The following LUM variants were observed in gnomAD, a reference collection of about 807,000 sequenced individuals.
LUM encodes lumican.
Under a neutral mutation model 20.5 loss-of-function variants are expected in LUM, and 13 were observed. That is an observed-to-expected ratio of 0.63 (90% CI 0.41 to 1.01). The LOEUF is 1.01. Among genes scored for constraint, LUM ranks in the 50% least tolerant of loss-of-function variants. The pLI, the probability that LUM is intolerant of heterozygous loss-of-function variation, is 0.00. For missense variants in LUM, 321 were observed against 391.1 expected, an observed-to-expected ratio of 0.82 and a Z score of 1.51; for synonymous variants, 173 against 151.5, an observed-to-expected ratio of 1.14 and a Z score of -1.04.
chr12:91,107,579 T>A (rs1470207311), intron 2 of LUM, among the ~76,000 whole-genome samples: 1 of 152,180 alleles, frequency 6.6e-6, no homozygotes, highest in Admixed American at 6.5e-5. Context: ...TGGCCCGGAA[T>A]TTTTAGTTTG....
intron 2 of LUM, among the ~76,000 whole-genome samples, chr12:91,105,369 C>CATA (rs1452241930): frequency 6.6e-6 from 1 of 152,052 alleles, no homozygotes; most frequent in African/African-American, 2.4e-5. Context: ...AATACTAGTA[C>CATA]ATAGTATGTC....
rs779388844 is a variant in LUM at position 91,104,298 on chromosome 12, C to T, written c.884G>A (p.Cys295Tyr). The T allele has an allele frequency of 6.2e-7, 1 of 1,611,890 alleles. No homozygotes were observed. Among genetic ancestry groups the T allele is most frequent in the Non-Finnish European group, 8.5e-7 (1 of 1,178,920 alleles). ...GTAGGATAATGGCCCCAGGATCTTG[C>T]AGAAGCTCTTTATGTCAAACTCTAA... ...QLEKFDIKSF[C>Y]KILGPLSYSK... is the part of the protein sequence containing the mutation. The change falls in exon 3 of 3, where the codon TGC becomes TAC. Residue 295 changes from cysteine to tyrosine, a missense_variant. Coordinates refer to ENST00000266718, the MANE Select transcript of LUM (RefSeq NM_002345.4).
At chr12:91,107,631 T>C (rs1047167228) in intron 2 of LUM, among the ~76,000 whole-genome samples, 43 of 152,186 alleles carry the variant, frequency 2.8e-4, no homozygotes, top group African/African-American at 9.4e-4. Flanking sequence ...TTGTTCCTTA[T>C]CTGGATACAC....
rs869096187 is a variant in LUM at position 91,107,287 on chromosome 12, G to GAGAA, written c.862+827_862+830dup. Among the ~76,000 whole-genome samples the GAGAA allele has an allele frequency of 3.4e-3, 207 of 61,306 alleles. 2 individuals carry two copies. The highest frequency in any genetic ancestry group is 0.011 in the African/African-American group (147 of 13,362). The allele number at this position is 61,306 out of a possible 152,430, so 40.2% of individuals were successfully genotyped here. ...AGAAAGAAAGAAAGAAAGAAAGAAA[G>GAGAA]AGAAAGAAAGAAAGAAAGAAAGAAA... On this transcript the variant is annotated intron_variant, in intron 2 of 2. Transcript: ENST00000266718.
intron 1 of LUM, among the ~76,000 whole-genome samples, chr12:91,111,191 A>G (rs1880196346): frequency 1.3e-5 from 2 of 152,208 alleles, no homozygotes; most frequent in Admixed American, 1.3e-4. Flanking sequence ...TCTCTTGCCA[A>G]GCAATACAGC....
At chr12:91,104,785 C>T (rs1215565384) in intron 2 of LUM, among the ~76,000 whole-genome samples, 1 of 152,070 alleles carries the variant, frequency 6.6e-6, no homozygotes, top group African/African-American at 2.4e-5. Context: ...ATACCATGAC[C>T]ATGATAAAAA....
chr12:91,109,065 T>C, intron 1 of LUM, 65 bp from the exon 2 acceptor site: 1 of 1,137,416 alleles, frequency 8.8e-7, no homozygotes, highest in Non-Finnish European at 1.3e-6. Flanking sequence ...GACATTCAAT[T>C]TGCAACATTA....
Position 91,107,234 on chromosome 12 carries a change from GAA to G in LUM, c.862+882_862+883del, listed in dbSNP as rs1420771236. Among the ~76,000 whole-genome samples the G allele has an allele frequency of 3.7e-3, 173 of 47,374 alleles. 6 individuals are homozygous for G. The highest frequency in any genetic ancestry group is 0.011 in the African/African-American group (163 of 14,332). 31.1% of individuals were successfully genotyped at this position (47,374 alleles called of 152,430 possible). A position where few individuals can be genotyped will look rare whatever the true frequency, so the allele number is the denominator to read the frequency against. On this transcript the variant is annotated intron_variant, in intron 2 of 2. Coordinates refer to ENST00000266718, the MANE Select transcript of LUM (RefSeq NM_002345.4). ...AAGAAAGAGAGAAAGAAGAAAGAAA[GAA>G]AGGAAAGAAAGAAAGAAAGAAAGAA...
chr12:91,106,711 A>AAAAAAAAAAAAAAAAC (rs398020575), intron 2 of LUM, among the ~76,000 whole-genome samples: 1 of 147,052 alleles, frequency 6.8e-6, no homozygotes, highest in Admixed American at 6.8e-5. Context: ...AAAAAAAAAA[A>AAAAAAAAAAAAAAAAC]GATGTTAGAA....
chr12:91,107,731 T>C (rs80275453), intron 2 of LUM, among the ~76,000 whole-genome samples: 3 of 151,314 alleles, frequency 2.0e-5, no homozygotes, highest in African/African-American at 4.8e-5. Context: ...TTTTTTTTTT[T>C]CCAAGACAGA....
chr12:91,103,190 C>T lies in LUM; in HGVS notation c.*975G>A, dbSNP rs1014269661. 4 of 152,014 alleles carry T rather than the reference C, an allele frequency of 2.6e-5. No individual in the cohort carries two copies. The highest frequency in any genetic ancestry group is 5.9e-5 in the Non-Finnish European group (4 of 67,944). 9.4% of individuals were successfully genotyped at this position (152,014 alleles called of 1,614,324 possible). A position where few individuals can be genotyped will look rare whatever the true frequency, so the allele number is the denominator to read the frequency against. ...TATCTATTTCAGAAAATTTTATATT[C>T]ATTCATTTTTAATCCTGTGAGTTAT... On this transcript the variant is annotated 3_prime_UTR_variant, in exon 3 of 3. Transcript: ENST00000266718.
At chr12:91,105,856 G>A (rs1880018604) in intron 2 of LUM, among the ~76,000 whole-genome samples, 1 of 152,198 alleles carries the variant, frequency 6.6e-6, no homozygotes, top group African/African-American at 2.4e-5. Flanking sequence ...AGAGAAAGAA[G>A]TAGCCCTGCT....
rs1565758238 is a variant in LUM at position 91,107,237 on chromosome 12, AGG to A, written c.862+879_862+880del. Among the ~76,000 whole-genome samples, 239 of 47,976 alleles carry A rather than the reference AGG, an allele frequency of 5.0e-3. 4 individuals are homozygous for A. The highest frequency in any genetic ancestry group is 0.015 in the South Asian group (16 of 1,086). The allele number at this position is 47,976 out of a possible 152,430, so 31.5% of individuals were successfully genotyped here. On this transcript the variant is annotated intron_variant, in intron 2 of 2. Coordinates refer to ENST00000266718, the MANE Select transcript of LUM (RefSeq NM_002345.4). Reference sequence around the variant, plus strand: ...AAAGAGAGAAAGAAGAAAGAAAGAAAGGAAAGAAAGAAAGAAAGAAAGAAAGA... The same window carrying A: ...AAAGAGAGAAAGAAGAAAGAAAGAAAAAAGAAAGAAAGAAAGAAAGAAAGA...
rs1491315551 is a variant in LUM, at chr12:91,107,301, GAA to G, written c.862+815_862+816del. ...AAAGAAAGAAAGAGAAAGAAAGAAAGAAAGAAAGAAAGAAAGAAAGAAAGAAA... is the reference window on the plus strand; with the variant it reads ...AAAGAAAGAAAGAGAAAGAAAGAAAGAGAAAGAAAGAAAGAAAGAAAGAAA... On this transcript the variant is annotated intron_variant, in intron 2 of 2. Coordinates refer to ENST00000266718, the MANE Select transcript of LUM (RefSeq NM_002345.4). Among the ~76,000 whole-genome samples the G allele has an allele frequency of 1.2e-3, 134 of 108,288 alleles. 1 individual carries two copies. Among genetic ancestry groups the G allele is most frequent in the African/African-American group, 4.6e-3 (125 of 26,946 alleles). The allele number at this position is 108,288 out of a possible 152,430, so 71.0% of individuals were successfully genotyped here. A position where few individuals can be genotyped will look rare whatever the true frequency, so the allele number is the denominator to read the frequency against.
chr12:91,104,288 C>T lies in LUM; in HGVS notation c.894G>A (p.Leu298=). ...KFDIKSFCKI[L]GPLSYSKIKH... Reference sequence around the variant, plus strand: ...TGATCTTGGAGTAGGATAATGGCCCCAGGATCTTGCAGAAGCTCTTTATGT... The same window carrying T: ...TGATCTTGGAGTAGGATAATGGCCCTAGGATCTTGCAGAAGCTCTTTATGT... Residue 298 remains leucine (L), a synonymous_variant, in exon 3 of 3, where the codon CTG becomes CTA. Transcript: ENST00000266718. The T allele has an allele frequency of 1.2e-6, 2 of 1,612,000 alleles. No individual in the cohort carries two copies. The highest frequency in any genetic ancestry group is 1.7e-6 in the Non-Finnish European group (2 of 1,179,048).
intron 2 of LUM, among the ~76,000 whole-genome samples, chr12:91,104,602 A>C (rs1254272448): frequency 6.6e-6 from 1 of 152,172 alleles, no homozygotes. Flanking sequence ...TTAAAAAGGC[A>C]TTCAATAAGT....
intron 1 of LUM, among the ~76,000 whole-genome samples, chr12:91,109,956 G>A (rs1264689818): frequency 6.6e-6 from 1 of 152,110 alleles, no homozygotes; most frequent in Admixed American, 6.6e-5. Context: ...TTTAATACTG[G>A]TGTTAGAACT....
intron 1 of LUM, 46 bp from the exon 2 acceptor site, chr12:91,109,046 C>G: frequency 7.7e-7 from 1 of 1,294,686 alleles, no homozygotes; most frequent in Non-Finnish European, 1.1e-6. Context: ...TATATACTTT[C>G]AAGAAAAAGA....
At position 91,104,183 on chromosome 12, in the gene LUM, G is replaced by A. The variant is rs780673913; in HGVS notation, c.999C>T (p.Asn333=). The A allele has an allele frequency of 6.8e-6, 11 of 1,611,964 alleles. No individual in the cohort carries two copies. The highest frequency in any genetic ancestry group is 4.5e-5 in the East Asian group (2 of 44,776). ...ACAGATATTAATTAAGAGTGACTTC[G>A]TTAGCAACACGTAGACATTCATACA... ...PDMYECLRVA[N]EVTLN is the part of the protein sequence containing the mutation. Residue 333 remains asparagine, a synonymous_variant, in exon 3 of 3, where the codon AAC becomes AAT. Coordinates refer to ENST00000266718, the MANE Select transcript of LUM (RefSeq NM_002345.4).
Sources: gnomAD v4.1 joint callset for allele counts (sites outside exome capture counted in the v4.1 genomes callset) on GRCh38, gnomAD v4.1.1 for gene constraint, MANE v1.5 for transcripts, NCBI Gene and HGNC (gene_info 2026-07-23, HGNC 2026-07-21) for gene names.